RPS6KA4: variants seen among roughly 807,000 people sequenced by gnomAD.
RPS6KA4 encodes ribosomal protein S6 kinase A4.
RPS6KA4 carries 38 observed loss-of-function variants against 89.6 expected under a neutral mutation model. The ratio of observed to expected loss-of-function variants is 0.42; its 90% CI spans 0.33 to 0.56. RPS6KA4 has a LOEUF of 0.56. Among genes scored for constraint, RPS6KA4 ranks in the 20% least tolerant of loss-of-function variants. The pLI is 0.07. For missense variants in RPS6KA4, 873 were observed against 1,098.8 expected (o/e 0.79, Z 2.90); for synonymous variants, 495 against 492.8 (o/e 1.00, Z -0.06).
intron 2 of RPS6KA4, chr11:64,359,847 A>C (rs2036693809): frequency 1.9e-6 from 1 of 537,782 alleles, no homozygotes. Flanking sequence ...CCTTCCTTGC[A>C]CTGGCATCTT....
In RPS6KA4 at chr11:64,369,556, C is replaced by G; in HGVS notation, c.1539C>G (p.Leu513=). ...ESEASQILRS[L]VSAVSFMHEE... Reference sequence around the variant, plus strand: ...AAGCAAGCCAGATCCTGCGCAGCCTCGTGTCGGCCGTGAGCTTCATGCACG... The same window carrying G: ...AAGCAAGCCAGATCCTGCGCAGCCTGGTGTCGGCCGTGAGCTTCATGCACG... Residue 513 remains leucine, a synonymous_variant, in exon 13 of 17, where the codon CTC becomes CTG. Transcript: ENST00000334205. 2 of 1,606,868 alleles carry G rather than the reference C, an allele frequency of 1.2e-6. No individual in the cohort carries two copies. The highest frequency in any genetic ancestry group is 1.7e-4 in the Middle Eastern group (1 of 6,050).
Position 64,361,806 on chromosome 11 carries a change from G to A in RPS6KA4, c.756-46G>A, listed in dbSNP as rs745746912. Reference sequence around the variant, plus strand: ...CTGCAGGGCCTGCCTGGGCAGGGCTGTGGGTGGGGGGCTTGCTGCCCCTGA... The same window carrying A: ...CTGCAGGGCCTGCCTGGGCAGGGCTATGGGTGGGGGGCTTGCTGCCCCTGA... On this transcript the variant is annotated intron_variant, in intron 7 of 16. Coordinates refer to ENST00000334205, the MANE Select transcript of RPS6KA4 (RefSeq NM_003942.3). The surrounding 1 kb of genome is among the most constrained non-coding windows in gnomAD (Gnocchi z 4.7). The A allele has an allele frequency of 1.3e-6, 2 of 1,586,646 alleles. No individual in the cohort carries two copies. Among genetic ancestry groups the A allele is most frequent in the Non-Finnish European group, 8.6e-7 (1 of 1,169,272 alleles).
chr11:64,366,609 G>A (rs1440625531), intron 9 of RPS6KA4, among the ~76,000 whole-genome samples: 1 of 152,188 alleles, frequency 6.6e-6, no homozygotes, highest in Non-Finnish European at 1.5e-5. Context: ...ATGCTCTGGA[G>A]GGCATGATCG....
rs1471119722 is a variant in RPS6KA4 at position 64,361,233 on chromosome 11, A to T, written c.562A>T (p.Thr188Ser). 6.2e-7 allele frequency: 1 copy of T among 1,613,138 alleles called. No individual in the cohort carries two copies. The highest frequency in any genetic ancestry group is 8.5e-7 in the Non-Finnish European group (1 of 1,179,838). ...TDFGLSKEFL[T>S]EEKERTFSFC... Reference sequence around the variant, plus strand: ...CTTCGGGCTGAGCAAGGAGTTCCTGACGGAGGAGGTGAGTGGAGGCCACCT... The same window carrying T: ...CTTCGGGCTGAGCAAGGAGTTCCTGTCGGAGGAGGTGAGTGGAGGCCACCT... Residue 188 changes from threonine (T) to serine (S), a missense_variant, in exon 5 of 17, where the codon ACG becomes TCG. Transcript: ENST00000334205. The surrounding 1 kb of genome is among the most constrained non-coding windows in gnomAD (Gnocchi z 4.7).
In RPS6KA4 at chr11:64,371,040, G is replaced by T. The variant is rs374982679; in HGVS notation, c.2122-243G>T. On this transcript the variant is annotated intron_variant, in intron 16 of 16. Transcript: ENST00000334205. ...AATCTCTTGAACCCAGGAGGCGGAG[G>T]TTGCAGTGAGCTGAGATTGCACCAC... Among the ~76,000 whole-genome samples, 127 of 150,868 alleles carry T rather than the reference G, an allele frequency of 8.4e-4. 2 individuals are homozygous for T. In the East Asian group the frequency reaches 0.011, roughly 14 times the overall value.
intron 2 of RPS6KA4, chr11:64,359,761 C>A (rs541331079): frequency 5.6e-6 from 3 of 534,188 alleles, no homozygotes; most frequent in East Asian, 3.2e-5. Flanking sequence ...AATATGGGAT[C>A]CCCCTCCCAC....
At chr11:64,366,169 ATTTT>A (rs58025633) in intron 9 of RPS6KA4, among the ~76,000 whole-genome samples, 8 of 127,276 alleles carry the variant, frequency 6.3e-5, no homozygotes, top group Admixed American at 1.6e-4. Flanking sequence ...CCTCCACCGA[ATTTT>A]TTTTTTTTTT....
rs1372636808 is a variant in RPS6KA4, at chr11:64,369,566, G to A, written c.1549G>A (p.Val517Met). 3 of 1,606,900 alleles carry A rather than the reference G, an allele frequency of 1.9e-6. No homozygotes were observed. Among genetic ancestry groups the A allele is most frequent in the South Asian group, 2.2e-5 (2 of 90,262 alleles). ...SQILRSLVSA[V>M]SFMHEEAGVV... The stretch of plus-strand genomic sequence containing the variant: ...GATCCTGCGCAGCCTCGTGTCGGCC[G>A]TGAGCTTCATGCACGAGGAGGCGGG... Residue 517 changes from valine to methionine, a missense_variant, in exon 13 of 17, where the codon GTG becomes ATG. This residue lies in a region of RPS6KA4 where 542 missense variants were observed against 736.4 expected (regional missense o/e 0.74). Coordinates refer to ENST00000334205, the MANE Select transcript of RPS6KA4 (RefSeq NM_003942.3).
chr11:64,360,269 G>C lies in RPS6KA4; in HGVS notation c.234G>C (p.Thr78=). The C allele has an allele frequency of 6.5e-7, 1 of 1,547,524 alleles. No individual in the cohort carries two copies. Among genetic ancestry groups the C allele is most frequent in the Admixed American group, 2.0e-5 (1 of 50,964 alleles). Residue 78 remains threonine (T), a synonymous_variant, in exon 3 of 17, where the codon ACG becomes ACC. Coordinates refer to ENST00000334205, the MANE Select transcript of RPS6KA4 (RefSeq NM_003942.3). ...RKAALVQRAK[T]QEHTRTERSV... is the part of the protein sequence containing the mutation. Reference sequence around the variant, plus strand: ...CGGCGCTGGTGCAGCGCGCCAAGACGCAAGAGCACACGCGCACCGAGCGCT... The same window carrying C: ...CGGCGCTGGTGCAGCGCGCCAAGACCCAAGAGCACACGCGCACCGAGCGCT...
intron 2 of RPS6KA4, 90 bp from the exon 3 acceptor site, chr11:64,360,073 A>AC: frequency 8.0e-7 from 1 of 1,246,192 alleles, no homozygotes; most frequent in Non-Finnish European, 1.1e-6. Flanking sequence ...TCATTTGCAC[A>AC]CCCTCCTGGG....
chr11:64,371,448 C>T lies in RPS6KA4; in HGVS notation c.2287C>T (p.Arg763Cys), dbSNP rs770200186. The change falls in exon 17 of 17, where the codon CGC (arginine) becomes TGC (cysteine). Residue 763 changes from arginine to cysteine, a missense_variant. Physicochemically the swap from Arg to Cys is radical, Grantham distance 180. Coordinates refer to ENST00000334205, the MANE Select transcript of RPS6KA4 (RefSeq NM_003942.3). ...CCCCGTCGCCTCCAAAGGGGCCCCC[C>T]GCCGAGCCAACGGCCCCCTGCCCCC... ...RAPVASKGAP[R>C]RANGPLPPS 29 of 1,567,362 alleles carry T rather than the reference C, an allele frequency of 1.9e-5. No individual in the cohort carries two copies. The highest frequency in any genetic ancestry group is 2.3e-5 in the South Asian group (2 of 87,830).
intron 9 of RPS6KA4, among the ~76,000 whole-genome samples, chr11:64,366,687 A>G: frequency 6.6e-6 from 1 of 152,180 alleles, no homozygotes; most frequent in East Asian, 1.9e-4. Flanking sequence ...CCTGGAGTAC[A>G]TTCTCTACAG....
In RPS6KA4 at chr11:64,368,731, G is replaced by T. The variant is rs1389371455; in HGVS notation, c.1362G>T (p.Val454=). ...TGGAGGCGAACACGCAGCGCGAAGTGGCTGCCCTGCGCCTGTGCCAGTCAC... is the reference window on the plus strand; with the variant it reads ...TGGAGGCGAACACGCAGCGCGAAGTTGCTGCCCTGCGCCTGTGCCAGTCAC... ...RRLEANTQRE[V]AALRLCQSHP... The change falls in exon 12 of 17, where the codon GTG becomes GTT. Residue 454 remains valine (V), a synonymous_variant. Transcript: ENST00000334205. 1 of 1,576,186 alleles carries T rather than the reference G, an allele frequency of 6.3e-7. No homozygotes were observed. The highest frequency in any genetic ancestry group is 1.8e-5 in the Admixed American group (1 of 54,700).
In RPS6KA4 at chr11:64,361,271, C is replaced by T. The variant is rs1253707564; in HGVS notation, c.570+30C>T. On this transcript the variant is annotated intron_variant, in intron 5 of 16. Transcript: ENST00000334205. The surrounding 1 kb of genome is among the most constrained non-coding windows in gnomAD (Gnocchi z 4.7). Reference sequence around the variant, plus strand: ...GTGGAGGCCACCTCTGCCTGCAGTGCCCCATTCAATCCTTCTCCTTCCTGC... The same window carrying T: ...GTGGAGGCCACCTCTGCCTGCAGTGTCCCATTCAATCCTTCTCCTTCCTGC... The T allele has an allele frequency of 3.8e-6, 6 of 1,577,832 alleles. No individual in the cohort carries two copies. Among genetic ancestry groups the T allele is most frequent in the Non-Finnish European group, 5.2e-6 (6 of 1,148,794 alleles).
chr11:64,362,594 C>T (rs1048140749), intron 8 of RPS6KA4, among the ~76,000 whole-genome samples: 5 of 152,240 alleles, frequency 3.3e-5, no homozygotes, highest in Non-Finnish European at 7.3e-5. Context: ...GCGTCATCGC[C>T]CAGCAGGACT....
Position 64,370,494 on chromosome 11 carries a change from TGTTACGATCTCTTTGGGGCTCA to T in RPS6KA4, c.1958-67_1958-46del. 1.3e-6 allele frequency: 2 copies of T among 1,597,426 alleles called. No individual in the cohort carries two copies. Among genetic ancestry groups the T allele is most frequent in the Admixed American group, 3.5e-5 (2 of 57,752 alleles). Reference sequence around the variant, plus strand: ...GATGGGTAGGGGAGGAGAGTGGGGCTGTTACGATCTCTTTGGGGCTCAGCCTTTACGCCAGGCTCCTCCCCAC... The same window carrying T: ...GATGGGTAGGGGAGGAGAGTGGGGCTGCCTTTACGCCAGGCTCCTCCCCAC... On this transcript the variant is annotated intron_variant, in intron 15 of 16. Coordinates refer to ENST00000334205, the MANE Select transcript of RPS6KA4 (RefSeq NM_003942.3). The surrounding 1 kb of genome is among the most constrained non-coding windows in gnomAD (Gnocchi z 4.1).
intron 12 of RPS6KA4, 69 bp downstream of exon 12, chr11:64,368,866 G>A (rs867499414): frequency 4.3e-6 from 6 of 1,403,548 alleles, no homozygotes; most frequent in South Asian, 2.5e-5. Context: ...GGCACTATGG[G>A]CGGGATCTAG....
chr11:64,359,526 G>C, intron 2 of RPS6KA4, 77 bp downstream of exon 2: 2 of 1,506,002 alleles, frequency 1.3e-6, no homozygotes, highest in African/African-American at 1.4e-5. Flanking sequence ...CTTGGGCCTG[G>C]GCCAGGCCAC....
Position 64,359,230 on chromosome 11 carries a change from C to T in RPS6KA4, c.-6C>T, listed in dbSNP as rs749716898. ...GAGCCGCGCGGGCCCCAGCGACCCG[C>T]CCGCCATGGGGGACGAGGACGACGA... On this transcript the variant is annotated 5_prime_UTR_variant, in exon 1 of 17. Transcript: ENST00000334205. 1.5e-6 allele frequency: 2 copies of T among 1,356,870 alleles called. No individual in the cohort carries two copies. Among genetic ancestry groups the T allele is most frequent in the Non-Finnish European group, 1.9e-6 (2 of 1,044,862 alleles). 84.1% of individuals were successfully genotyped at this position (1,356,870 alleles called of 1,614,324 possible).
Sources: gnomAD v4.1 joint callset for allele counts (sites outside exome capture counted in the v4.1 genomes callset) on GRCh38, gnomAD v4.1.1 for gene constraint, gnomAD v4.1.1 regional missense constraint, Gnocchi (gnomAD v3.1) non-coding constraint, MANE v1.5 for transcripts, NCBI Gene and HGNC (gene_info 2026-07-23, HGNC 2026-07-21) for gene names.